The following ZSWIM6 variants were observed in gnomAD, a reference collection of about 807,000 sequenced individuals.
ZSWIM6 encodes zinc finger SWIM-type containing 6.
Under a neutral mutation model 113.2 loss-of-function variants are expected in ZSWIM6, and 9 were observed. The ratio of observed to expected loss-of-function variants is 0.08; its 90% CI spans 0.05 to 0.14. The LOEUF (loss-of-function observed/expected upper bound fraction) is 0.14, where lower values mean the gene tolerates loss of function less well. Among genes scored for constraint, ZSWIM6 ranks in the 10% least tolerant of loss-of-function variants. The pLI is 1.00. For missense variants in ZSWIM6, 1,162 were observed against 1,552.2 expected, an observed-to-expected ratio of 0.75 and a Z score of 4.22; for synonymous variants, 611 against 606.5, an observed-to-expected ratio of 1.01 and a Z score of -0.11.
intron 9 of ZSWIM6, among the ~76,000 whole-genome samples, chr5:61,532,018 T>G (rs1429372924): frequency 6.6e-6 from 1 of 152,232 alleles, no homozygotes; most frequent in East Asian, 1.9e-4. Context: ...TCAGACTGTG[T>G]TGTTCCTGAG....
chr5:61,497,826 A>G (rs997124687), intron 4 of ZSWIM6, among the ~76,000 whole-genome samples: 1 of 152,246 alleles, frequency 6.6e-6, no homozygotes, highest in Non-Finnish European at 1.5e-5. Flanking sequence ...AGTAGAATCT[A>G]TAGAACACAC....
At chr5:61,498,677 C>A (rs1201181591) in intron 4 of ZSWIM6, among the ~76,000 whole-genome samples, 4 of 152,124 alleles carry the variant, frequency 2.6e-5, no homozygotes. Context: ...TAACCTGCTC[C>A]ATGGACCCAA....
At chr5:61,419,669 T>A (rs1579987141) in intron 1 of ZSWIM6, among the ~76,000 whole-genome samples, 2 of 152,364 alleles carry the variant, frequency 1.3e-5, no homozygotes, top group African/African-American at 4.8e-5. Context: ...TCCATCATTG[T>A]AGAAAATTCT....
At chr5:61,371,434 T>C (rs1296245535) in intron 1 of ZSWIM6, among the ~76,000 whole-genome samples, 1 of 152,274 alleles carries the variant, frequency 6.6e-6, no homozygotes, top group African/African-American at 2.4e-5. Context: ...AATAATTGGC[T>C]AATTTCTTTA....
intron 2 of ZSWIM6, among the ~76,000 whole-genome samples, chr5:61,483,899 A>T (rs944416741): frequency 1.3e-5 from 2 of 150,526 alleles, no homozygotes; most frequent in South Asian, 2.1e-4. Context: ...ATAAATAAAT[A>T]AAATAAAATA....
intron 4 of ZSWIM6, among the ~76,000 whole-genome samples, chr5:61,501,255 G>T (rs1457206099): frequency 6.6e-6 from 1 of 152,110 alleles, no homozygotes; most frequent in Non-Finnish European, 1.5e-5. Flanking sequence ...GAAAAGAGGG[G>T]TTTATTTTCT....
rs757801604 is a variant in ZSWIM6, at chr5:61,332,687, G to A, written c.415G>A (p.Asp139Asn). 1.7e-5 allele frequency: 18 copies of A among 1,037,078 alleles called. 1 individual carries two copies. In the South Asian group the frequency reaches 5.7e-4, roughly 33 times the overall value. The allele number at this position is 1,037,078 out of a possible 1,614,324, so 64.2% of individuals were successfully genotyped here. Residue 139 changes from aspartate to asparagine, a missense_variant, in exon 1 of 14, where the codon GAC becomes AAC. Physicochemically the swap from Asp to Asn is conservative, Grantham distance 23 (BLOSUM62 1). Around this residue, in one of 4 missense-constraint regions of ZSWIM6, gnomAD observed 333 missense variants for 293.4 expected, o/e 1.13. Transcript: ENST00000252744. The stretch of plus-strand genomic sequence containing the variant: ...CGGCGGCGCCGCGGGCGGCCCCGGC[G>A]ACGACAGCGGTGGCGGCGGCGGCGC... ...TGGGAAGGPGDDSGGGGGAGG... is the reference protein window; with the variant it reads ...TGGGAAGGPGNDSGGGGGAGG...
At chr5:61,512,458 T>A (rs1297007708) in intron 4 of ZSWIM6, among the ~76,000 whole-genome samples, 1 of 152,140 alleles carries the variant, frequency 6.6e-6, no homozygotes, top group Non-Finnish European at 1.5e-5. Flanking sequence ...AACATAAATT[T>A]GTATTTCTCT....
chr5:61,372,333 C>T (rs189014519), intron 1 of ZSWIM6, among the ~76,000 whole-genome samples: 27 of 151,708 alleles, frequency 1.8e-4, no homozygotes, highest in Admixed American at 7.9e-4. Flanking sequence ...ATCACATTCA[C>T]TTTATTTCTT....
At position 61,546,082 on chromosome 5, in the gene ZSWIM6, CAATT is replaced by C. The variant is rs1224363622; in HGVS notation, c.*1766_*1769del. ...TAATTAAGATTTGATACACTGATAT[CAATT>C]TATTTATGTAACTAAATCACTGTTT... is the stretch of plus-strand genomic sequence containing the variant. On this transcript the variant is annotated 3_prime_UTR_variant, in exon 14 of 14. Coordinates refer to ENST00000252744, the MANE Select transcript of ZSWIM6 (RefSeq NM_020928.2). 6.6e-6 allele frequency: 1 copy of C among 152,122 alleles called. No homozygotes were observed. The highest frequency in any genetic ancestry group is 1.9e-4 in the East Asian group (1 of 5,200). The allele number at this position is 152,122 out of a possible 1,614,324, so 9.4% of individuals were successfully genotyped here.
chr5:61,439,935 A>G (rs573931359), intron 1 of ZSWIM6, among the ~76,000 whole-genome samples: 1 of 152,316 alleles, frequency 6.6e-6, no homozygotes, highest in Non-Finnish European at 1.5e-5. Context: ...GCTAATATGT[A>G]GTTCAAGTGC....
intron 12 of ZSWIM6, among the ~76,000 whole-genome samples, chr5:61,540,754 T>C (rs1358570569): frequency 6.6e-6 from 1 of 152,086 alleles, no homozygotes; most frequent in Non-Finnish European, 1.5e-5. Context: ...CTCTTGTTAT[T>C]TGGAATTCAT....
At chr5:61,479,861 GAT>G (rs1396315331) in intron 2 of ZSWIM6, among the ~76,000 whole-genome samples, 1 of 152,086 alleles carries the variant, frequency 6.6e-6, no homozygotes, top group Non-Finnish European at 1.5e-5. Flanking sequence ...TGTGGCAGTT[GAT>G]AGGAGTCCTT....
chr5:61,377,725 A>C (rs1448180822), intron 1 of ZSWIM6, among the ~76,000 whole-genome samples: 1 of 152,040 alleles, frequency 6.6e-6, no homozygotes, highest in East Asian at 1.9e-4. Context: ...CAAAAAAAAA[A>C]AAACCCCACA....
intron 1 of ZSWIM6, among the ~76,000 whole-genome samples, chr5:61,393,853 C>A (rs1344283768): frequency 6.6e-6 from 1 of 151,660 alleles, no homozygotes; most frequent in East Asian, 1.9e-4. Flanking sequence ...AATTTTTTGT[C>A]TTCTTCTTTA....
At chr5:61,364,128 C>G (rs952675238) in intron 1 of ZSWIM6, among the ~76,000 whole-genome samples, 2 of 151,804 alleles carry the variant, frequency 1.3e-5, no homozygotes, top group Non-Finnish European at 2.9e-5. Context: ...CACTGCAGTA[C>G]CAACCTCCTG....
intron 1 of ZSWIM6, among the ~76,000 whole-genome samples, chr5:61,454,103 A>G (rs930190547): frequency 2.0e-5 from 3 of 152,100 alleles, no homozygotes; most frequent in Admixed American, 6.5e-5. Context: ...TGGTCCATAA[A>G]TGCTTATTTT....
intron 1 of ZSWIM6, among the ~76,000 whole-genome samples, chr5:61,460,448 A>G (rs905078041): frequency 2.1e-4 from 32 of 152,176 alleles, no homozygotes; most frequent in African/African-American, 7.2e-4. Flanking sequence ...AAGGTGGTGA[A>G]ACTTAATCCA....
intron 1 of ZSWIM6, among the ~76,000 whole-genome samples, chr5:61,414,706 G>C (rs896891764): frequency 6.6e-6 from 1 of 152,208 alleles, no homozygotes; most frequent in African/African-American, 2.4e-5. Context: ...CAGTCAGCAT[G>C]AGAGAACTCT....
Sources: allele counts gnomAD v4.1 joint callset (sites outside exome capture counted in the v4.1 genomes callset), GRCh38; gene constraint gnomAD v4.1.1; regional missense constraint gnomAD v4.1.1; transcripts MANE v1.5; gene names NCBI Gene and HGNC (gene_info 2026-07-23, HGNC 2026-07-21).